Variants in CTIF observed in about 807,000 individuals in gnomAD.
The protein encoded by CTIF is CBP80/20-dependent translation initiation factor.
In CTIF, 21 loss-of-function variants were observed where a neutral mutation model predicts 66.0. That is an observed-to-expected ratio of 0.32 (90% CI 0.23 to 0.46). CTIF has a LOEUF of 0.46. CTIF is among the 20% of genes least tolerant of loss of function. The probability of loss-of-function intolerance (pLI) is 1.00; values close to 1 mark genes in which losing one functional copy is unlikely to be tolerated. For missense variants in CTIF, 739 were observed against 812.7 expected, an observed-to-expected ratio of 0.91 and a Z score of 1.10; for synonymous variants, 345 against 326.4, an observed-to-expected ratio of 1.06 and a Z score of -0.62.
At chr18:48,835,885 C>T (rs1179866227) in intron 10 of CTIF, among the ~76,000 whole-genome samples, 1 of 151,698 alleles carries the variant, frequency 6.6e-6, no homozygotes, top group Non-Finnish European at 1.5e-5. Context: ...TGGGTTTCCT[C>T]TGCAGAGAAG....
intron 7 of CTIF, among the ~76,000 whole-genome samples, chr18:48,731,558 A>G (rs1487315184): frequency 6.6e-6 from 1 of 152,232 alleles, no homozygotes; most frequent in East Asian, 1.9e-4. Context: ...AACTCAGCTT[A>G]GGGACCTAGT....
chr18:48,626,656 GTT>G (rs61179877), intron 2 of CTIF, among the ~76,000 whole-genome samples: 3 of 108,058 alleles, frequency 2.8e-5, no homozygotes, highest in Admixed American at 1.9e-4. Context: ...TTTTTTTTTT[GTT>G]TTTTTTTTTT....
intron 3 of CTIF, among the ~76,000 whole-genome samples, chr18:48,654,507 C>T (rs557952502): frequency 5.3e-5 from 8 of 152,276 alleles, no homozygotes; most frequent in Admixed American, 1.3e-4. Context: ...GAAATAGGAA[C>T]ACTTTTACAC....
intron 1 of CTIF, among the ~76,000 whole-genome samples, chr18:48,593,469 C>G (rs1599205341): frequency 6.6e-6 from 1 of 151,652 alleles, no homozygotes; most frequent in East Asian, 1.9e-4. Flanking sequence ...CAAGCTCTGC[C>G]TCCCGGGTTC....
chr18:48,758,943 A>C lies in CTIF; in HGVS notation c.1071+538A>C, dbSNP rs1296258271. 2.0e-5 allele frequency among the ~76,000 whole-genome samples: 3 copies of C among 151,708 alleles called. No individual in the cohort carries two copies. In the East Asian group the frequency reaches 5.9e-4, roughly 30 times the overall value. ...CGCCTTCATCACCCAGAGGCCAGGGAGTGCTCTACAGTGCACACCGTAAGG... is the reference window on the plus strand; with the variant it reads ...CGCCTTCATCACCCAGAGGCCAGGGCGTGCTCTACAGTGCACACCGTAAGG... On this transcript the variant is annotated intron_variant, in intron 8 of 11. Transcript: ENST00000256413.
chr18:48,666,214 C>T (rs151123769), intron 5 of CTIF, among the ~76,000 whole-genome samples: 1 of 152,252 alleles, frequency 6.6e-6, no homozygotes, highest in African/African-American at 2.4e-5. Flanking sequence ...TCTTGTCTCC[C>T]TTTCACTTCA....
chr18:48,635,147 A>G (rs1012848529), intron 2 of CTIF, among the ~76,000 whole-genome samples: 2 of 152,130 alleles, frequency 1.3e-5, no homozygotes, highest in African/African-American at 2.4e-5. Context: ...TAAGAATAAC[A>G]TCCATCCTGG....
chr18:48,777,383 G>T (rs752388368), intron 9 of CTIF, among the ~76,000 whole-genome samples: 1 of 152,208 alleles, frequency 6.6e-6, no homozygotes, highest in Non-Finnish European at 1.5e-5. Context: ...ACCCTCCTAT[G>T]TGCAATTTTC....
At chr18:48,657,014 G>A (rs912964280) in intron 3 of CTIF, among the ~76,000 whole-genome samples, 1 of 152,238 alleles carries the variant, frequency 6.6e-6, no homozygotes, top group Non-Finnish European at 1.5e-5. Context: ...GCTAGGACGA[G>A]GGGTGAATGG....
intron 9 of CTIF, among the ~76,000 whole-genome samples, chr18:48,813,634 A>G (rs886779774): frequency 1.3e-5 from 2 of 152,240 alleles, no homozygotes; most frequent in African/African-American, 4.8e-5. Flanking sequence ...TTTAGCAGGC[A>G]TTCAATCTCC....
rs58084631 is a variant in CTIF, at chr18:48,568,633, T to TAAAAAAAAAAAAAA, written c.-29+29343_-29+29356dup. ...GAAATACCTGAGACTGGGCAATTTG[T>TAAAAAAAAAAAAAA]AAAAAAAAAAAAAAAAAAAAAAAAA... On this transcript the variant is annotated intron_variant, in intron 1 of 11. Coordinates refer to ENST00000256413, the MANE Select transcript of CTIF (RefSeq NM_014772.3). Among the ~76,000 whole-genome samples the TAAAAAAAAAAAAAA allele has an allele frequency of 1.7e-3, 61 of 36,642 alleles. 6 individuals are homozygous for TAAAAAAAAAAAAAA. Among genetic ancestry groups the TAAAAAAAAAAAAAA allele is most frequent in the South Asian group, 3.3e-3 (2 of 604 alleles). 24.0% of individuals were successfully genotyped at this position (36,642 alleles called of 152,430 possible).
chr18:48,757,596 T>C (rs1598986389), intron 7 of CTIF, among the ~76,000 whole-genome samples: 1 of 152,120 alleles, frequency 6.6e-6, no homozygotes. Context: ...GGCAGGAGGG[T>C]TCACTGTTAT....
At chr18:48,575,070 C>T (rs528318217) in intron 1 of CTIF, among the ~76,000 whole-genome samples, 19 of 152,280 alleles carry the variant, frequency 1.2e-4, no homozygotes, top group South Asian at 1.0e-3. Flanking sequence ...CAGGGAGCCC[C>T]GCCTCTGCCA....
intron 5 of CTIF, among the ~76,000 whole-genome samples, chr18:48,668,363 C>T (rs1273318930): frequency 3.3e-5 from 5 of 152,270 alleles, no homozygotes; most frequent in East Asian, 3.9e-4. Flanking sequence ...ATGGCCCAGG[C>T]GGGTGCAGAA....
In CTIF at chr18:48,730,708, CTT is replaced by C. The variant is rs1491092312; in HGVS notation, c.584+19014_584+19015del. ...TGAGGAGCCCCTGAGGTGTGAGGGG[CTT>C]CCGCGGTGTGAGGGGCTTCCGTGGT... On this transcript the variant is annotated intron_variant, in intron 7 of 11. Coordinates refer to ENST00000256413, the MANE Select transcript of CTIF (RefSeq NM_014772.3). 5.1e-3 allele frequency among the ~76,000 whole-genome samples: 174 copies of C among 34,438 alleles called. 31 individuals carry two copies. In the East Asian group the frequency reaches 0.18, roughly 35 times the overall value. 22.6% of individuals were successfully genotyped at this position (34,438 alleles called of 152,430 possible).
intron 6 of CTIF, among the ~76,000 whole-genome samples, chr18:48,678,698 G>T: frequency 6.6e-6 from 1 of 151,754 alleles, no homozygotes; most frequent in East Asian, 1.9e-4. Flanking sequence ...TCTAGATGGG[G>T]TTTCCACGCG....
intron 7 of CTIF, among the ~76,000 whole-genome samples, chr18:48,720,205 C>A (rs934240754): frequency 6.6e-6 from 1 of 152,178 alleles, no homozygotes; most frequent in South Asian, 2.1e-4. Context: ...TTGTAGGCAA[C>A]AGGATCTTAG....
At position 48,758,315 on chromosome 18, in the gene CTIF, C is replaced by T; in HGVS notation, c.981C>T (p.Asp327=). ...GGPEVETKRK[D]SILPERIGER... is the part of the protein sequence containing the mutation. ...CAGAGGTTGAGACAAAACGTAAAGA[C>T]AGTATTCTTCCCGAGCGCATCGGGG... The change falls in exon 8 of 12, where the codon GAC becomes GAT. Residue 327 remains aspartate (D), a synonymous_variant. Coordinates refer to ENST00000256413, the MANE Select transcript of CTIF (RefSeq NM_014772.3). 3 of 1,613,208 alleles carry T rather than the reference C, an allele frequency of 1.9e-6. No homozygotes were observed. Among genetic ancestry groups the T allele is most frequent in the Middle Eastern group, 1.6e-4 (1 of 6,062 alleles).
intron 1 of CTIF, among the ~76,000 whole-genome samples, chr18:48,563,630 C>T (rs886169557): frequency 2.6e-5 from 4 of 152,224 alleles, no homozygotes; most frequent in Non-Finnish European, 5.9e-5. Flanking sequence ...CACCACCACA[C>T]CTGGCTAATT....
Sources: gnomAD v4.1 joint callset for allele counts (sites outside exome capture counted in the v4.1 genomes callset) on GRCh38, gnomAD v4.1.1 for gene constraint, MANE v1.5 for transcripts, NCBI Gene and HGNC (gene_info 2026-07-23, HGNC 2026-07-21) for gene names.